The following U2SURP variants were observed in gnomAD, a reference collection of about 807,000 sequenced individuals.
The protein encoded by U2SURP is U2 snRNP associated SURP domain containing, also known as U2 snRNP-associated SURP motif-containing protein.
U2SURP carries 9 observed loss-of-function variants against 144.9 expected under a neutral mutation model. The observed-to-expected ratio is 0.06, with a 90% CI of 0.04 to 0.11. The LOEUF (loss-of-function observed/expected upper bound fraction) is 0.11. Ranked by LOEUF, U2SURP falls within the 10% of genes least tolerant of loss-of-function variation. The pLI, the probability that U2SURP is intolerant of heterozygous loss-of-function variation, is 1.00. For synonymous variants in U2SURP, 408 were observed against 396.8 expected, an observed-to-expected ratio of 1.03 and a Z score of -0.33; for missense variants, 724 against 1,226.7, an observed-to-expected ratio of 0.59 and a Z score of 6.12.
chr3:143,027,631 G>A (rs192657906), intron 14 of U2SURP, among the ~76,000 whole-genome samples: 49 of 152,126 alleles, frequency 3.2e-4, no homozygotes, highest in African/African-American at 1.1e-3. Flanking sequence ...CCTTTTTTAA[G>A]GCCAAATAAT....
At chr3:143,012,949 G>T (rs6789950) in intron 3 of U2SURP, among the ~76,000 whole-genome samples, 55,402 of 151,918 alleles carry the variant, frequency 0.36, 12,029 homozygotes, top group African/African-American at 0.62. Context: ...TGGTAACAAA[G>T]TATTTTTCTT....
intron 1 of U2SURP, 36 bp downstream of exon 1, chr3:143,001,709 T>C: frequency 1.9e-6 from 3 of 1,612,472 alleles, no homozygotes; most frequent in Non-Finnish European, 2.5e-6. Context: ...TCAGCGGATC[T>C]ACCACTGTCG....
At chr3:143,002,022 G>A (rs1283776032) in intron 1 of U2SURP, among the ~76,000 whole-genome samples, 3 of 152,254 alleles carry the variant, frequency 2.0e-5, no homozygotes, top group Admixed American at 1.3e-4. Flanking sequence ...GACAGCGCCT[G>A]GGAGAGAGGC....
At chr3:143,047,601 C>T (rs1203036188) in intron 24 of U2SURP, among the ~76,000 whole-genome samples, 7 of 44,934 alleles carry the variant, frequency 1.6e-4, no homozygotes, top group African/African-American at 3.3e-4. Flanking sequence ...CCCTCCCGGA[C>T]GGGGCGGCTG....
At chr3:143,056,267 A>C (rs746714474) in intron 27 of U2SURP, 45 bp from the exon 28 acceptor site, 2 of 1,545,198 alleles carry the variant, frequency 1.3e-6, no homozygotes, top group African/African-American at 2.8e-5. Context: ...AGTTTTGATC[A>C]CATGAGTACT....
intron 1 of U2SURP, chr3:143,002,185 T>G (rs950853951): frequency 5.1e-6 from 1 of 197,950 alleles, no homozygotes; most frequent in Non-Finnish European, 1.0e-5. Flanking sequence ...AGACACGGAG[T>G]GGGAAATGCA....
Position 143,056,392 on chromosome 3 carries a change from G to A in U2SURP, c.3032G>A (p.Arg1011Lys). Residue 1011 changes from arginine to lysine, a missense_variant, in exon 28 of 28, where the codon AGA becomes AAA. Arg to Lys is a conservative substitution (Grantham distance 26). Coordinates refer to ENST00000473835, the MANE Select transcript of U2SURP (RefSeq NM_001080415.2). ...RSPKKSGKKS[R>K]SQSRSPHRSH... ...CCTAAAAAATCAGGAAAGAAGTCCAGATCCCAGTCCAGATCTCCACACAGG... is the reference window on the plus strand; with the variant it reads ...CCTAAAAAATCAGGAAAGAAGTCCAAATCCCAGTCCAGATCTCCACACAGG... 6.2e-7 allele frequency: 1 copy of A among 1,613,026 alleles called. No homozygotes were observed. Among genetic ancestry groups the A allele is most frequent in the Non-Finnish European group, 8.5e-7 (1 of 1,179,366 alleles).
chr3:143,018,361 G>A (rs2108279935), intron 6 of U2SURP, among the ~76,000 whole-genome samples: 1 of 152,148 alleles, frequency 6.6e-6, no homozygotes, highest in South Asian at 2.1e-4. Flanking sequence ...CTTTGTTGTG[G>A]CATGAATCAG....
At chr3:143,007,193 T>A (rs1935878879) in intron 1 of U2SURP, among the ~76,000 whole-genome samples, 1 of 152,206 alleles carries the variant, frequency 6.6e-6, no homozygotes, top group South Asian at 2.1e-4. Flanking sequence ...TTTCTCTGCC[T>A]TAAAATAAAT....
intron 20 of U2SURP, chr3:143,036,881 C>G: frequency 2.9e-6 from 1 of 342,294 alleles, no homozygotes; most frequent in South Asian, 5.1e-5. Context: ...CTGGTTCCCC[C>G]ACCCCTGCAA....
intron 13 of U2SURP, chr3:143,024,404 G>A (rs1309639854): frequency 2.6e-6 from 1 of 381,296 alleles, no homozygotes; most frequent in African/African-American, 2.1e-5. Context: ...TGAATTATCT[G>A]CATTTAATAT....
At chr3:143,035,305 T>G (rs1933753104) in intron 19 of U2SURP, among the ~76,000 whole-genome samples, 1 of 152,212 alleles carries the variant, frequency 6.6e-6, no homozygotes, top group Non-Finnish European at 1.5e-5. Context: ...TAATCATGTT[T>G]AGAAAGTCTA....
At position 143,021,456 on chromosome 3, in the gene U2SURP, T is replaced by C; in HGVS notation, c.770-17T>C. 6.2e-7 allele frequency: 1 copy of C among 1,613,402 alleles called. No homozygotes were observed. The highest frequency in any genetic ancestry group is 8.5e-7 in the Non-Finnish European group (1 of 1,179,636). ...TATGTTTTGCAGGTTATAATTCTTT[T>C]TTTCTTTCTGCCCTAGTTCTTGATG... On this transcript the variant is annotated splice_polypyrimidine_tract_variant and intron_variant, in intron 9 of 27. Coordinates refer to ENST00000473835, the MANE Select transcript of U2SURP (RefSeq NM_001080415.2).
intron 24 of U2SURP, among the ~76,000 whole-genome samples, chr3:143,048,926 G>A (rs141887555): frequency 8.3e-4 from 126 of 151,986 alleles, no homozygotes; most frequent in African/African-American, 2.2e-3. Flanking sequence ...ATTGGAGAAC[G>A]TATAAGAAAC....
chr3:143,010,715 G>C, intron 1 of U2SURP, 100 bp from the exon 2 acceptor site: 1 of 792,208 alleles, frequency 1.3e-6, no homozygotes, highest in East Asian at 2.9e-5. Context: ...AGGAGAAATT[G>C]CCAGAAGTTA....
At chr3:143,045,405 G>C (rs1378519982) in intron 24 of U2SURP, among the ~76,000 whole-genome samples, 1 of 147,798 alleles carries the variant, frequency 6.8e-6, no homozygotes, top group Non-Finnish European at 1.5e-5. Context: ...CTCCCTTTCT[G>C]ACCTGATGAA....
chr3:143,017,904 G>A (rs950728428), intron 6 of U2SURP, among the ~76,000 whole-genome samples: 3 of 151,458 alleles, frequency 2.0e-5, no homozygotes, highest in Middle Eastern at 3.2e-3. Context: ...GATTACAGAC[G>A]CCTGGCTAAA....
Position 143,012,232 on chromosome 3 carries a change from C to G in U2SURP, c.101C>G (p.Ser34Cys). The G allele has an allele frequency of 1.2e-6, 2 of 1,612,494 alleles. No homozygotes were observed. The highest frequency in any genetic ancestry group is 1.7e-6 in the Non-Finnish European group (2 of 1,179,254). The change falls in exon 3 of 28, where the codon TCT (serine) becomes TGT (cysteine). Residue 34 changes from serine (S) to cysteine (C), a missense_variant. Physicochemically the swap from Ser to Cys is moderately radical, Grantham distance 112. Transcript: ENST00000473835. ...TTACTTTTCCTGAAGATGGATGCATCTGGACCCTCAGATAGTGATATGCCA... is the reference window on the plus strand; with the variant it reads ...TTACTTTTCCTGAAGATGGATGCATGTGGACCCTCAGATAGTGATATGCCA... ...SGSSDAHMDA[S>C]GPSDSDMPSR...
At chr3:143,036,374 ATAAG>A (rs1360417226) in intron 20 of U2SURP, among the ~76,000 whole-genome samples, 1 of 94,546 alleles carries the variant, frequency 1.1e-5, no homozygotes, top group Non-Finnish European at 2.4e-5. Context: ...ATAGTAGAAA[ATAAG>A]CAAGTAATAG....
Sources: allele counts gnomAD v4.1 joint callset (sites outside exome capture counted in the v4.1 genomes callset), GRCh38; gene constraint gnomAD v4.1.1; transcripts MANE v1.5; gene names NCBI Gene and HGNC (gene_info 2026-07-23, HGNC 2026-07-21).